The following NAV1 variants were observed in gnomAD, a reference collection of about 807,000 sequenced individuals.
NAV1 encodes the protein pore membrane and/or filament interacting like protein 3.
Under a neutral mutation model 175.2 loss-of-function variants are expected in NAV1, and 18 were observed. That is an observed-to-expected ratio of 0.10 (90% CI 0.07 to 0.15). The LOEUF (loss-of-function observed/expected upper bound fraction) is 0.15, where lower values mean the gene tolerates loss of function less well. NAV1 is among the 10% of genes least tolerant of loss of function. The probability of loss-of-function intolerance (pLI) is 1.00; values close to 1 mark genes in which losing one functional copy is unlikely to be tolerated. For missense variants in NAV1, 1,731 were observed against 2,436.6 expected (o/e 0.71, Z 6.10); for synonymous variants, 897 against 978.7 (o/e 0.92, Z 1.56).
At chr1:201,724,990 A>G (rs1282878097) in intron 3 of NAV1, 1 of 152,382 alleles carries the variant, frequency 6.6e-6, no homozygotes, top group Non-Finnish European at 1.5e-5. Flanking sequence ...TGCTCCCAGA[A>G]TCAGCGAGCT....
At chr1:201,770,638 C>G (rs1184624653) in intron 3 of NAV1, among the ~76,000 whole-genome samples, 1 of 152,150 alleles carries the variant, frequency 6.6e-6, no homozygotes, top group Non-Finnish European at 1.5e-5. Context: ...GGCTGTTTTC[C>G]TCCTAGGGTA....
intron 1 of NAV1, among the ~76,000 whole-genome samples, chr1:201,664,232 C>T (rs964143808): frequency 6.6e-6 from 1 of 152,134 alleles, no homozygotes; most frequent in Non-Finnish European, 1.5e-5. Context: ...ATCCCAGCTA[C>T]TCGGGAGGCT....
chr1:201,716,358 C>T (rs1672140595), intron 2 of NAV1, among the ~76,000 whole-genome samples: 1 of 152,224 alleles, frequency 6.6e-6, no homozygotes, highest in African/African-American at 2.4e-5. Flanking sequence ...GGGTTTGCTC[C>T]TCTTTGATTC....
chr1:201,549,095 C>CTTTCTT (rs1476343691), intron 1 of NAV1, among the ~76,000 whole-genome samples: 36 of 140,602 alleles, frequency 2.6e-4, no homozygotes, highest in African/African-American at 7.1e-4. Flanking sequence ...TTCTTTCTTT[C>CTTTCTT]TTTCTTTCTT....
chr1:201,584,697 C>T (rs376268751), intron 1 of NAV1, among the ~76,000 whole-genome samples: 5 of 152,194 alleles, frequency 3.3e-5, no homozygotes, highest in East Asian at 1.9e-4. Context: ...CATAAGAAAC[C>T]GCCCAGAGCT....
At chr1:201,658,191 G>T (rs554927493) in intron 1 of NAV1, among the ~76,000 whole-genome samples, 3 of 152,178 alleles carry the variant, frequency 2.0e-5, no homozygotes, top group Non-Finnish European at 4.4e-5. Context: ...AGAAGTTAGT[G>T]TCGGCAGAGC....
chr1:201,773,880 T>G (rs2102682752), intron 3 of NAV1, among the ~76,000 whole-genome samples: 1 of 152,364 alleles, frequency 6.6e-6, no homozygotes, highest in East Asian at 1.9e-4. Context: ...TATATCTGAC[T>G]CAATCTCTCA....
chr1:201,684,283 C>T (rs1289015382), intron 1 of NAV1, among the ~76,000 whole-genome samples: 1 of 152,080 alleles, frequency 6.6e-6, no homozygotes, highest in Non-Finnish European at 1.5e-5. Context: ...ATTGCTATCA[C>T]TGTGGTGCAT....
chr1:201,746,848 C>G lies in NAV1; in HGVS notation c.1226+28093C>G, dbSNP rs193183641. ...AAACCTCCATCTCTACAAAAAAATA[C>G]AAAAAATTAGCCGAGCCTGGTGGCA... On this transcript the variant is annotated intron_variant, in intron 3 of 29. Coordinates refer to ENST00000367296, the Ensembl canonical transcript of NAV1. Among the ~76,000 whole-genome samples the G allele has an allele frequency of 5.0e-3, 767 of 151,936 alleles. 7 individuals carry two copies. The highest frequency in any genetic ancestry group is 5.8e-3 in the Non-Finnish European group (395 of 67,940).
intron 1 of NAV1, among the ~76,000 whole-genome samples, chr1:201,709,538 G>A (rs903753773): frequency 2.0e-5 from 3 of 152,122 alleles, no homozygotes; most frequent in Admixed American, 6.5e-5. Flanking sequence ...GTACCACCCC[G>A]GGAATGTGTC....
At chr1:201,648,435 T>A (rs559892369) in exon 1 of NAV1, 4 of 1,134,576 alleles carry the variant, frequency 3.5e-6, no homozygotes, top group Non-Finnish European at 3.2e-6. Context: ...CCGGCTTCCC[T>A]GCTCTTTCCT....
chr1:201,798,659 T>C (rs1677618063), intron 15 of NAV1: 2 of 146,002 alleles, frequency 1.4e-5, no homozygotes, highest in Non-Finnish European at 3.0e-5. Context: ...ATGGACTAGA[T>C]ATTACATGAA....
chr1:201,783,265 T>C, intron 6 of NAV1, 141 bp from the exon 11 acceptor site: 4 of 889,368 alleles, frequency 4.5e-6, no homozygotes, highest in Non-Finnish European at 6.9e-6. Context: ...CCTTGCATTG[T>C]ATTTCACAAC....
chr1:201,813,308 A>AGGTAGG lies in NAV1; in HGVS notation c.5340+50_5340+51insGGTAGG. ...ACCCTAAGATCAGGCTGTCCTACCT[A>AGGTAGG]ACAAAGTAGGAATGTTTCTTTAATG... is the stretch of plus-strand genomic sequence containing the variant. On this transcript the variant is annotated intron_variant, in intron 28 of 29. Coordinates refer to ENST00000367296, the Ensembl canonical transcript of NAV1. The surrounding 1 kb of genome is among the most constrained non-coding windows in gnomAD (Gnocchi z 4.2). The AGGTAGG allele has an allele frequency of 8.5e-7, 1 of 1,174,324 alleles. No homozygotes were observed. Among genetic ancestry groups the AGGTAGG allele is most frequent in the Non-Finnish European group, 1.3e-6 (1 of 795,434 alleles). The allele number at this position is 1,174,324 out of a possible 1,614,324, so 72.7% of individuals were successfully genotyped here. A position where few individuals can be genotyped will look rare whatever the true frequency, so the allele number is the denominator to read the frequency against.
intron 1 of NAV1, among the ~76,000 whole-genome samples, chr1:201,626,725 T>C (rs1368941175): frequency 6.6e-6 from 1 of 152,216 alleles, no homozygotes; most frequent in Non-Finnish European, 1.5e-5. Context: ...TCTTCCTGCA[T>C]TGGGTGGGCC....
At chr1:201,575,909 C>T (rs1316330326) in intron 1 of NAV1, among the ~76,000 whole-genome samples, 1 of 152,180 alleles carries the variant, frequency 6.6e-6, no homozygotes, top group Non-Finnish European at 1.5e-5. Context: ...TTTATTCGTG[C>T]ATGCTTTCCA....
chr1:201,780,288 A>G, intron 3 of NAV1, 133 bp from the exon 8 acceptor site: 1 of 991,990 alleles, frequency 1.0e-6, no homozygotes, highest in Non-Finnish European at 1.5e-6. Context: ...CAAACCTAGG[A>G]CAAACCCCCA....
At chr1:201,779,702 C>T (rs566023975) in intron 3 of NAV1, among the ~76,000 whole-genome samples, 2 of 150,902 alleles carry the variant, frequency 1.3e-5, no homozygotes, top group Non-Finnish European at 2.9e-5. Flanking sequence ...CATGAAGTAG[C>T]GTTTTTGGAT....
intron 3 of NAV1, among the ~76,000 whole-genome samples, chr1:201,733,930 G>T (rs1672975791): frequency 6.6e-6 from 1 of 152,156 alleles, no homozygotes; most frequent in Admixed American, 6.5e-5. Context: ...CAGGGAGAGG[G>T]ACGATGTGAT....
Sources: allele counts gnomAD v4.1 joint callset (sites outside exome capture counted in the v4.1 genomes callset), GRCh38; gene constraint gnomAD v4.1.1; non-coding constraint Gnocchi (gnomAD v3.1); transcripts MANE v1.5; gene names NCBI Gene and HGNC (gene_info 2026-07-23, HGNC 2026-07-21).